SERPINI1: variants seen among roughly 807,000 people sequenced by gnomAD.
SERPINI1 encodes the protein serpin family I member 1, also known as neuroserpin.
A neutral mutation model predicts 41.1 loss-of-function variants in SERPINI1; 19 were observed. The ratio of observed to expected loss-of-function variants is 0.46; its 90% CI spans 0.32 to 0.68. The LOEUF is 0.68. Among genes scored for constraint, SERPINI1 ranks in the 30% least tolerant of loss-of-function variants. The pLI, the probability that SERPINI1 is intolerant of heterozygous loss-of-function variation, is 0.03. For synonymous variants in SERPINI1, 138 were observed against 156.6 expected (o/e 0.88, Z 0.89); for missense variants, 460 against 479.2 (o/e 0.96, Z 0.37).
At chr3:167,806,446 A>G (rs1331113546) in intron 5 of SERPINI1, among the ~76,000 whole-genome samples, 1 of 152,178 alleles carries the variant, frequency 6.6e-6, no homozygotes, top group Non-Finnish European at 1.5e-5. Flanking sequence ...ATACCTATGT[A>G]ACAAACCTGT....
chr3:167,816,044 T>A (rs552257913), intron 6 of SERPINI1, among the ~76,000 whole-genome samples: 4 of 152,308 alleles, frequency 2.6e-5, no homozygotes, highest in Admixed American at 2.6e-4. Flanking sequence ...AGAATAAACT[T>A]AAAAAGAATT....
intron 1 of SERPINI1, among the ~76,000 whole-genome samples, chr3:167,741,007 A>G (rs78019375): frequency 0.032 from 4,864 of 152,216 alleles, 263 homozygotes; most frequent in African/African-American, 0.11. Flanking sequence ...ACCTTAGTAA[A>G]GCTTACATTG....
At chr3:167,775,235 T>C (rs1248398224) in intron 1 of SERPINI1, among the ~76,000 whole-genome samples, 4 of 82,980 alleles carry the variant, frequency 4.8e-5, no homozygotes, top group Admixed American at 2.1e-4. Context: ...TTTATTATTA[T>C]TATTATTATT....
At chr3:167,753,296 G>T (rs1015544845) in intron 1 of SERPINI1, among the ~76,000 whole-genome samples, 1 of 152,020 alleles carries the variant, frequency 6.6e-6, no homozygotes, top group Admixed American at 6.6e-5. Flanking sequence ...TCTATTTTGT[G>T]TAGAGGGCAC....
At chr3:167,782,896 A>T (rs1306181126) in intron 1 of SERPINI1, among the ~76,000 whole-genome samples, 1 of 152,204 alleles carries the variant, frequency 6.6e-6, no homozygotes, top group Non-Finnish European at 1.5e-5. Context: ...GGTGTATCTG[A>T]TGCAAAACGG....
At chr3:167,818,900 A>T (rs1003596937) in intron 6 of SERPINI1, among the ~76,000 whole-genome samples, 1 of 152,206 alleles carries the variant, frequency 6.6e-6, no homozygotes. Flanking sequence ...TTGGAATATT[A>T]TGTGGTGTCT....
chr3:167,820,690 G>A (rs1038719271), intron 6 of SERPINI1, among the ~76,000 whole-genome samples: 5 of 152,160 alleles, frequency 3.3e-5, no homozygotes, highest in Admixed American at 1.3e-4. Context: ...CGCTCAGCAC[G>A]GACAGCCTGG....
At chr3:167,760,047 G>A (rs957664374) in intron 1 of SERPINI1, among the ~76,000 whole-genome samples, 1 of 152,050 alleles carries the variant, frequency 6.6e-6, no homozygotes, top group East Asian at 1.9e-4. Context: ...ATACTTTAAG[G>A]TTATACAAAT....
intron 1 of SERPINI1, among the ~76,000 whole-genome samples, chr3:167,755,794 ATT>A (rs34182780): frequency 1.3e-4 from 15 of 119,188 alleles, no homozygotes; most frequent in Non-Finnish European, 1.7e-4. Context: ...GGTGTTGCTG[ATT>A]TTTTTTTTTT....
intron 1 of SERPINI1, among the ~76,000 whole-genome samples, chr3:167,739,097 T>C (rs1331387210): frequency 1.3e-5 from 2 of 150,988 alleles, no homozygotes; most frequent in Non-Finnish European, 3.0e-5. Flanking sequence ...AAGGGAGAGA[T>C]TTTTTTGTTG....
At chr3:167,776,855 A>G (rs1244488693) in intron 1 of SERPINI1, among the ~76,000 whole-genome samples, 1 of 152,258 alleles carries the variant, frequency 6.6e-6, no homozygotes, top group African/African-American at 2.4e-5. Flanking sequence ...GTTAGACAAC[A>G]CTGGCAAAGA....
intron 6 of SERPINI1, among the ~76,000 whole-genome samples, chr3:167,812,198 A>G (rs1217428763): frequency 1.3e-5 from 2 of 152,186 alleles, no homozygotes; most frequent in African/African-American, 4.8e-5. Context: ...AATCTATTTT[A>G]TCTGCCACTG....
chr3:167,771,350 A>G (rs1004340030), intron 1 of SERPINI1, among the ~76,000 whole-genome samples: 6 of 152,222 alleles, frequency 3.9e-5, no homozygotes, highest in Non-Finnish European at 8.8e-5. Flanking sequence ...AAGATTCTTT[A>G]TGTAATGCTA....
At chr3:167,807,155 C>T in intron 5 of SERPINI1, 89 bp from the exon 6 acceptor site, 2 of 922,282 alleles carry the variant, frequency 2.2e-6, no homozygotes, top group South Asian at 2.7e-5. Context: ...ATAAAGCAGA[C>T]TTTAAATATC....
chr3:167,798,487 A>G (rs1560011996), intron 5 of SERPINI1, among the ~76,000 whole-genome samples: 1 of 152,218 alleles, frequency 6.6e-6, no homozygotes, highest in Non-Finnish European at 1.5e-5. Context: ...ATTAGGATCC[A>G]CTAAATGTTT....
At chr3:167,793,326 G>T (rs1248771326) in intron 4 of SERPINI1, among the ~76,000 whole-genome samples, 1 of 152,010 alleles carries the variant, frequency 6.6e-6, no homozygotes, top group African/African-American at 2.4e-5. Flanking sequence ...CTCTTCAGAA[G>T]TTTAGGGTAT....
intron 1 of SERPINI1, among the ~76,000 whole-genome samples, chr3:167,738,966 C>T (rs963856386): frequency 6.6e-6 from 1 of 151,640 alleles, no homozygotes; most frequent in Admixed American, 6.6e-5. Flanking sequence ...GATGTTTTGC[C>T]CCTTTAAAAT....
intron 5 of SERPINI1, among the ~76,000 whole-genome samples, chr3:167,796,734 C>CATTAGG (rs1326693653): frequency 2.2e-5 from 3 of 135,638 alleles, no homozygotes; most frequent in Non-Finnish European, 4.9e-5. Flanking sequence ...ATATGTACAA[C>CATTAGG]ATTTTTTTTT....
chr3:167,800,515 T>C (rs2131114), intron 5 of SERPINI1, among the ~76,000 whole-genome samples: 50,521 of 152,036 alleles, frequency 0.33, 9,219 homozygotes, highest in African/African-American at 0.48. Context: ...TTTACTGATA[T>C]AGCTTAGATA....
Sources: gnomAD v4.1 joint callset for allele counts (sites outside exome capture counted in the v4.1 genomes callset) on GRCh38, gnomAD v4.1.1 for gene constraint, MANE v1.5 for transcripts, NCBI Gene and HGNC (gene_info 2026-07-23, HGNC 2026-07-21) for gene names.